ZNG1E: variants seen among roughly 807,000 people sequenced by gnomAD.
ZNG1E encodes the protein zinc-regulated GTPase metalloprotein activator 1E.
chr9:65,710,963 G>C, the ZNG1E span, among the ~76,000 whole-genome samples: 17 of 145,236 alleles, frequency 1.2e-4, no homozygotes, highest in Middle Eastern at 3.5e-3. Flanking sequence ...CCATTTTCAC[G>C]ATATTGATTC....
At chr9:65,661,836 T>C in the ZNG1E span, among the ~76,000 whole-genome samples, 2 of 152,244 alleles carry the variant, frequency 1.3e-5, no homozygotes, top group African/African-American at 2.4e-5. Context: ...GGGATGATTG[T>C]GGCACAACTG....
the ZNG1E span, among the ~76,000 whole-genome samples, chr9:65,671,294 C>G: frequency 1.3e-5 from 2 of 151,566 alleles, no homozygotes; most frequent in Non-Finnish European, 2.9e-5. Flanking sequence ...AAGGTGGGAA[C>G]AAGGAAACAG....
chr9:65,707,863 T>A, the ZNG1E span: 2 of 143,158 alleles, frequency 1.4e-5, no homozygotes, highest in African/African-American at 5.4e-5. Context: ...GCTGTTCTTT[T>A]TTTTTTTTTT....
the ZNG1E span, among the ~76,000 whole-genome samples, chr9:65,709,949 A>G: frequency 6.6e-6 from 1 of 151,442 alleles, no homozygotes; most frequent in Non-Finnish European, 1.5e-5. Context: ...ACAATGGTTG[A>G]ACTAGTTTAC....
At chr9:65,668,557 G>A in the ZNG1E span, among the ~76,000 whole-genome samples, 1 of 149,498 alleles carries the variant, frequency 6.7e-6, no homozygotes, top group Non-Finnish European at 1.5e-5. Flanking sequence ...AAGAAACAAG[G>A]TCTTTCTCTC....
the ZNG1E span, among the ~76,000 whole-genome samples, chr9:65,691,718 G>A: frequency 6.6e-6 from 1 of 152,126 alleles, no homozygotes; most frequent in Non-Finnish European, 1.5e-5. Context: ...TTCTCTTGAA[G>A]ATAAGAATTA....
the ZNG1E span, among the ~76,000 whole-genome samples, chr9:65,727,253 T>G: frequency 2.0e-5 from 3 of 147,484 alleles, no homozygotes; most frequent in Admixed American, 1.4e-4. Flanking sequence ...AAACAAATCC[T>G]GGAAACATAT....
At chr9:65,667,143 T>A in the ZNG1E span, among the ~76,000 whole-genome samples, 1 of 152,262 alleles carries the variant, frequency 6.6e-6, no homozygotes, top group Non-Finnish European at 1.5e-5. Flanking sequence ...TACCCAGGGA[T>A]ATGAATAGCT....
chr9:65,667,104 A>T, the ZNG1E span, among the ~76,000 whole-genome samples: 1 of 152,270 alleles, frequency 6.6e-6, no homozygotes, highest in Admixed American at 6.5e-5. Context: ...TACACATGTG[A>T]GCCACCGTAC....
chr9:65,674,897 G>T, the ZNG1E span, among the ~76,000 whole-genome samples: 1 of 140,304 alleles, frequency 7.1e-6, no homozygotes, highest in Non-Finnish European at 1.5e-5. Flanking sequence ...GCAAAACCTG[G>T]AACAATTGAG....
At chr9:65,664,277 G>C in the ZNG1E span, among the ~76,000 whole-genome samples, 1 of 151,342 alleles carries the variant, frequency 6.6e-6, no homozygotes, top group Non-Finnish European at 1.5e-5. Context: ...ATATGGTTTG[G>C]CTGTGTCCCC....
At chr9:65,677,566 G>T in the ZNG1E span, among the ~76,000 whole-genome samples, 1 of 152,286 alleles carries the variant, frequency 6.6e-6, no homozygotes, top group Non-Finnish European at 1.5e-5. Flanking sequence ...CCAACCATTT[G>T]GAATACTCCA....
the ZNG1E span, among the ~76,000 whole-genome samples, chr9:65,660,509 T>A: frequency 2.0e-5 from 3 of 152,244 alleles, no homozygotes; most frequent in African/African-American, 7.2e-5. Flanking sequence ...ACGTTGGAAG[T>A]GTGGGGAGAT....
the ZNG1E span, among the ~76,000 whole-genome samples, chr9:65,665,333 C>T: frequency 3.3e-5 from 5 of 152,366 alleles, no homozygotes; most frequent in South Asian, 1.0e-3. Context: ...GCATCCCAGC[C>T]ATGAATGAAA....
the ZNG1E span, chr9:65,708,036 TTTTG>T: frequency 6.6e-6 from 1 of 151,306 alleles, no homozygotes; most frequent in East Asian, 1.9e-4. Context: ...ATTTTTGTAT[TTTTG>T]GTAGAGACAG....
At chr9:65,727,237 A>C in the ZNG1E span, among the ~76,000 whole-genome samples, 3 of 146,616 alleles carry the variant, frequency 2.0e-5, no homozygotes, top group East Asian at 5.9e-4. Flanking sequence ...GGAACTCTAA[A>C]TCTTGAAACA....
chr9:65,693,850 C>A, the ZNG1E span, among the ~76,000 whole-genome samples: 1 of 151,788 alleles, frequency 6.6e-6, no homozygotes, highest in Non-Finnish European at 1.5e-5. Context: ...AGCCACCACG[C>A]CCGGCCTGAA....
At chr9:65,720,783 G>T in the ZNG1E span, among the ~76,000 whole-genome samples, 44 of 143,114 alleles carry the variant, frequency 3.1e-4, no homozygotes, top group Admixed American at 4.9e-4. Flanking sequence ...AATTGCTATT[G>T]GTTGTAATAG....
the ZNG1E span, among the ~76,000 whole-genome samples, chr9:65,673,452 T>C: frequency 1.3e-5 from 2 of 149,852 alleles, no homozygotes; most frequent in Non-Finnish European, 1.5e-5. Context: ...AGTTGATAGA[T>C]ATTTGTGGTG....
Sources: gnomAD v4.1 joint callset for allele counts (sites outside exome capture counted in the v4.1 genomes callset) on GRCh38, gnomAD v4.1.1 for gene constraint, MANE v1.5 for transcripts, NCBI Gene and HGNC (gene_info 2026-07-23, HGNC 2026-07-21) for gene names.